Variants in GOT1L1 observed in about 807,000 individuals in gnomAD.
The protein encoded by GOT1L1 is aspartate aminotransferase, cytoplasmic 2.
A neutral mutation model predicts 43.6 loss-of-function variants in GOT1L1; 38 were observed. The ratio of observed to expected loss-of-function variants is 0.87; its 90% CI spans 0.67 to 1.14. The LOEUF (loss-of-function observed/expected upper bound fraction) is 1.14, where lower values mean the gene tolerates loss of function less well. GOT1L1 is among the 50% of genes most tolerant of loss of function. GOT1L1 has a pLI of 0.00. For synonymous variants in GOT1L1, 183 were observed against 187.2 expected (o/e 0.98, Z 0.18); for missense variants, 482 against 504.0 (o/e 0.96, Z 0.42).
chr8:37,939,126 T>C (rs28723477), intron 1 of GOT1L1: 103,604 of 396,630 alleles, frequency 0.26, 14,038 homozygotes, highest in African/African-American at 0.32. Context: ...GGTTAAAAAT[T>C]ATACAAGCCC....
At chr8:37,935,262 C>T in intron 7 of GOT1L1, 47 bp from the exon 8 acceptor site, 2 of 1,525,164 alleles carry the variant, frequency 1.3e-6, no homozygotes, top group Non-Finnish European at 1.8e-6. Context: ...GTCCCCCTTG[C>T]CCTCAAACCT....
chr8:37,937,485 G>A, intron 3 of GOT1L1, 99 bp from the exon 4 acceptor site: 1 of 989,560 alleles, frequency 1.0e-6, no homozygotes, highest in South Asian at 1.6e-5. Flanking sequence ...GCTGAAGGTG[G>A]GACATTAACA....
Position 37,937,328 on chromosome 8 carries a change from C to G in GOT1L1, c.468G>C (p.Trp156Cys). 2 of 1,610,754 alleles carry G rather than the reference C, an allele frequency of 1.2e-6. No homozygotes were observed. The highest frequency in any genetic ancestry group is 1.7e-6 in the Non-Finnish European group (2 of 1,178,748). The change falls in exon 4 of 9, where the codon TGG becomes TGC. Residue 156 changes from tryptophan (W) to cysteine (C), a missense_variant. Transcript: ENST00000307599. ...MGFTVYEYSV[W>C]DPKKLCMDPD... Reference sequence around the variant, plus strand: ...GGTCCATGCATAGCTTCTTGGGGTCCCAGACAGAGTATTCATAAACTGTAA... The same window carrying G: ...GGTCCATGCATAGCTTCTTGGGGTCGCAGACAGAGTATTCATAAACTGTAA...
chr8:37,938,615 AG>A (rs1807829635), intron 2 of GOT1L1, 84 bp downstream of exon 2: 1 of 1,268,280 alleles, frequency 7.9e-7, no homozygotes, highest in African/African-American at 1.5e-5. Flanking sequence ...GGGCCCTCCG[AG>A]GTCCCCTTCG....
chr8:37,938,260 G>A (rs1807819658), intron 2 of GOT1L1, among the ~76,000 whole-genome samples: 1 of 152,152 alleles, frequency 6.6e-6, no homozygotes, highest in Non-Finnish European at 1.5e-5. Context: ...AGCTGGGCGT[G>A]ATGGCACATG....
At chr8:37,934,973 TG>T in intron 8 of GOT1L1, 99 bp downstream of exon 8, 1 of 1,328,774 alleles carries the variant, frequency 7.5e-7, no homozygotes, top group Non-Finnish European at 1.1e-6. Context: ...AATCAAAATC[TG>T]GAGTGAAGCT....
rs963853335 is a variant in GOT1L1, at chr8:37,935,569, T to C, written c.929+135A>G. 32 of 842,546 alleles carry C rather than the reference T, an allele frequency of 3.8e-5. No homozygotes were observed. In the African/African-American group the frequency reaches 4.4e-4, roughly 11 times the overall value. 52.2% of individuals were successfully genotyped at this position (842,546 alleles called of 1,614,324 possible). On this transcript the variant is annotated intron_variant, in intron 7 of 8. Transcript: ENST00000307599. The stretch of plus-strand genomic sequence containing the variant: ...CCATTGGTACACATCAGGTCCTTAG[T>C]AAATGTTGATGAATGAATGGAGTAA...
chr8:37,934,309 A>G lies in GOT1L1; in HGVS notation c.1250T>C (p.Ile417Thr). The change falls in exon 9 of 9, where the codon ATT becomes ACT. Residue 417 changes from isoleucine to threonine, a missense_variant. Transcript: ENST00000307599. ...TTGCAAAGACTAAAGTTTTATTCCAATCAGTGTTTTTTTTTCCTTTGGAAG... is the reference window on the plus strand; with the variant it reads ...TTGCAAAGACTAAAGTTTTATTCCAGTCAGTGTTTTTTTTTCCTTTGGAAG... ...MCLPKEKKTL[I>T]GIKL 1 of 1,611,610 alleles carries G rather than the reference A, an allele frequency of 6.2e-7. No homozygotes were observed. Among genetic ancestry groups the G allele is most frequent in the South Asian group, 1.1e-5 (1 of 90,516 alleles).
chr8:37,937,057 G>T lies in GOT1L1; in HGVS notation c.520C>A (p.Gln174Lys). 3 of 1,613,538 alleles carry T rather than the reference G, an allele frequency of 1.9e-6. No individual in the cohort carries two copies. Among genetic ancestry groups the T allele is most frequent in the Non-Finnish European group, 2.5e-6 (3 of 1,179,644 alleles). ...ACAAGGACACAGCCATGTGGGATCT[G>T]CTGCAGGTACAGACGGTCTCATCAG... Reference protein sequence around the residue: ...DPDILLNVVEQIPHGCVLVMG... With the variant: ...DPDILLNVVEKIPHGCVLVMG... Residue 174 changes from glutamine (Q) to lysine (K), a missense_variant and splice_region_variant, in exon 5 of 9, where the codon CAG becomes AAG. Physicochemically the swap from Gln to Lys is moderately conservative, Grantham distance 53 (BLOSUM62 1). Coordinates refer to ENST00000307599, the MANE Select transcript of GOT1L1 (RefSeq NM_152413.3).
chr8:37,939,009 A>G (rs966341826), intron 1 of GOT1L1, 128 bp from the exon 2 acceptor site: 2 of 744,892 alleles, frequency 2.7e-6, no homozygotes, highest in African/African-American at 3.5e-5. Flanking sequence ...CTGTGAAAAT[A>G]CAACTTTCCC....
intron 1 of GOT1L1, 21 bp downstream of exon 1, chr8:37,939,894 T>G (rs1170027125): frequency 3.1e-6 from 5 of 1,606,876 alleles, no homozygotes; most frequent in Admixed American, 1.7e-5. Context: ...GTCTTATACT[T>G]CAGAACTGCT....
rs1456689614 is a variant in GOT1L1, at chr8:37,937,589, G to A, written c.409+49C>T. ...AAGATGGCAAATGGGGTGAGGATTA[G>A]GAACAAGGGACGGGGATTGCTGTTC... is the stretch of plus-strand genomic sequence containing the variant. On this transcript the variant is annotated intron_variant, in intron 3 of 8. Transcript: ENST00000307599. 17 of 1,337,894 alleles carry A rather than the reference G, an allele frequency of 1.3e-5. No individual in the cohort carries two copies. The Admixed American group carries it at 3.3e-4, about 26-fold the overall frequency. The allele number at this position is 1,337,894 out of a possible 1,614,324, so 82.9% of individuals were successfully genotyped here.
intron 6 of GOT1L1, among the ~76,000 whole-genome samples, chr8:37,936,345 G>A (rs970243401): frequency 1.6e-4 from 24 of 151,448 alleles, no homozygotes; most frequent in Non-Finnish European, 2.5e-4. Flanking sequence ...ACCGGGTCTC[G>A]GTGTGTTGCC....
At chr8:37,939,175 G>A (rs1484072564) in intron 1 of GOT1L1, among the ~76,000 whole-genome samples, 3 of 151,924 alleles carry the variant, frequency 2.0e-5, no homozygotes, top group Non-Finnish European at 4.4e-5. Flanking sequence ...AGCACTTCGG[G>A]AGGCTAAGGT....
chr8:37,938,020 G>A (rs1807809840), intron 2 of GOT1L1, among the ~76,000 whole-genome samples: 1 of 152,170 alleles, frequency 6.6e-6, no homozygotes, highest in South Asian at 2.1e-4. Flanking sequence ...CAGTCTGGGT[G>A]ACAGAGTGAG....
Position 37,940,068 on chromosome 8 carries a change from C to A in GOT1L1, c.-39G>T. The A allele has an allele frequency of 6.3e-7, 1 of 1,585,058 alleles. No individual in the cohort carries two copies. The highest frequency in any genetic ancestry group is 8.6e-7 in the Non-Finnish European group (1 of 1,165,302). ...CTGGAGCCAAGACTATGTGTCTCTG[C>A]TCCTGTGTTCCGCTTCTGCCCAGAA... On this transcript the variant is annotated 5_prime_UTR_variant, in exon 1 of 9. Coordinates refer to ENST00000307599, the MANE Select transcript of GOT1L1 (RefSeq NM_152413.3).
intron 1 of GOT1L1, among the ~76,000 whole-genome samples, chr8:37,939,445 T>A (rs1184962911): frequency 0.025 from 805 of 32,670 alleles, 56 homozygotes; most frequent in African/African-American, 0.11. Flanking sequence ...TATATATATA[T>A]ATATATATAT....
At chr8:37,936,308 G>A (rs533014795) in intron 6 of GOT1L1, among the ~76,000 whole-genome samples, 3 of 151,468 alleles carry the variant, frequency 2.0e-5, no homozygotes, top group Non-Finnish European at 2.9e-5. Flanking sequence ...CACCATGCCC[G>A]ACTAATTTTT....
rs757601516 is a variant in GOT1L1 at position 37,938,781 on chromosome 8, G to A, written c.216C>T (p.Pro72=). The A allele has an allele frequency of 1.4e-5, 22 of 1,612,628 alleles. No individual in the cohort carries two copies. Among genetic ancestry groups the A allele is most frequent in the Non-Finnish European group, 1.5e-5 (18 of 1,179,384 alleles). ...GGATGAATGATTTCAGGCCCATGGT[G>A]GGCAAGTACTCATAATTCAGGGAGG... ...QDPSLNYEYL[P]TMGLKSFIQA... The change falls in exon 2 of 9, where the codon CCC becomes CCT. Residue 72 remains proline (P), a synonymous_variant. Coordinates refer to ENST00000307599, the MANE Select transcript of GOT1L1 (RefSeq NM_152413.3).
Sources: gnomAD v4.1 joint callset for allele counts (sites outside exome capture counted in the v4.1 genomes callset) on GRCh38, gnomAD v4.1.1 for gene constraint, MANE v1.5 for transcripts, NCBI Gene and HGNC (gene_info 2026-07-23, HGNC 2026-07-21) for gene names.